The following CFAP74 variants were observed in gnomAD, a reference collection of about 807,000 sequenced individuals.
CFAP74 encodes cilia- and flagella-associated protein 74.
In CFAP74, 124 loss-of-function variants were observed where a neutral mutation model predicts 188.9. The observed-to-expected ratio is 0.66, with a 90% CI of 0.57 to 0.76. The LOEUF (loss-of-function observed/expected upper bound fraction) is 0.76. CFAP74 is among the 30% of genes least tolerant of loss of function. The probability of loss-of-function intolerance (pLI) is 0.00; values close to 1 mark genes in which losing one functional copy is unlikely to be tolerated. For synonymous variants in CFAP74, 956 were observed against 916.7 expected (o/e 1.04, Z -0.77); for missense variants, 2,198 against 2,165.2 (o/e 1.02, Z -0.30).
At chr1:1,934,966 C>CAT (rs1264556050) in intron 25 of CFAP74, among the ~76,000 whole-genome samples, 1 of 75,790 alleles carries the variant, frequency 1.3e-5, no homozygotes, top group African/African-American at 5.1e-5. Flanking sequence ...TGTAGGTACA[C>CAT]GTGTGTACGT....
intron 1 of CFAP74, among the ~76,000 whole-genome samples, chr1:1,991,246 C>G (rs1169126327): frequency 6.6e-6 from 1 of 151,974 alleles, no homozygotes; most frequent in Admixed American, 6.6e-5. Flanking sequence ...GAGGCCGAGG[C>G]AGGTGGATCA....
chr1:1,934,872 T>C (rs1430414141), intron 25 of CFAP74, among the ~76,000 whole-genome samples: 2 of 150,304 alleles, frequency 1.3e-5, no homozygotes, highest in Non-Finnish European at 3.0e-5. Context: ...CACACGTGTG[T>C]GCGTGGGTGT....
At position 1,970,670 on chromosome 1, in the gene CFAP74, C is replaced by T; in HGVS notation, c.1035G>A (p.Glu345=). The change falls in exon 10 of 39, where the codon GAG becomes GAA. Residue 345 remains glutamate, a synonymous_variant. Coordinates refer to ENST00000682832, the MANE Select transcript of CFAP74 (RefSeq NM_001304360.2). The part of the protein sequence containing the change: ...LVHQRRRQEL[E]AQKRAFEEEQ... The stretch of plus-strand genomic sequence containing the variant: ...GCCACCACCCTCACCTCTTCTGGGC[C>T]TCCAGCTCCTGGCGCCGGCGCTGGT... The T allele has an allele frequency of 2.5e-6, 4 of 1,608,968 alleles. No homozygotes were observed. The highest frequency in any genetic ancestry group is 3.4e-6 in the Non-Finnish European group (4 of 1,177,886).
chr1:1,925,075 G>A (rs2092920), intron 33 of CFAP74, among the ~76,000 whole-genome samples: 23,503 of 142,764 alleles, frequency 0.16, 3,590 homozygotes, highest in African/African-American at 0.41. Context: ...CACTGGTGCG[G>A]AGGCATGAGG....
chr1:2,001,812 G>C lies in CFAP74; in HGVS notation c.-20+1889C>G, dbSNP rs150892937. 2.1e-3 allele frequency among the ~76,000 whole-genome samples: 318 copies of C among 152,296 alleles called. 5 individuals are homozygous for C. Among genetic ancestry groups the C allele is most frequent in the East Asian group, 0.017 (90 of 5,186 alleles). ...GCGACTTTCCTGTCCGAGACGTGCA[G>C]TGGGAATCTAATCACGAGGACACAG... On this transcript the variant is annotated intron_variant, in intron 1 of 38. Transcript: ENST00000682832.
intron 14 of CFAP74, among the ~76,000 whole-genome samples, chr1:1,963,156 A>G (rs979788087): frequency 1.3e-5 from 2 of 152,228 alleles, no homozygotes; most frequent in Non-Finnish European, 2.9e-5. Context: ...ATAACAATAC[A>G]AAAGGAAACT....
intron 8 of CFAP74, among the ~76,000 whole-genome samples, chr1:1,972,434 C>T (rs1006642687): frequency 4.2e-4 from 64 of 152,362 alleles, no homozygotes; most frequent in African/African-American, 1.3e-3. Flanking sequence ...GGCCAGGCCA[C>T]GAGGACATGG....
chr1:1,993,198 CAAA>C (rs58970740), intron 1 of CFAP74, among the ~76,000 whole-genome samples: 97 of 90,442 alleles, frequency 1.1e-3, no homozygotes, highest in Middle Eastern at 5.9e-3. Flanking sequence ...AAGACTGTCT[CAAA>C]AAAAAAAAAA....
At chr1:1,982,039 C>CAG in intron 6 of CFAP74, among the ~76,000 whole-genome samples, 2 of 141,544 alleles carry the variant, frequency 1.4e-5, no homozygotes, top group Admixed American at 7.1e-5. Flanking sequence ...CAGCCGTGGT[C>CAG]ACATGCGGGG....
chr1:1,990,822 A>C (rs1468300785), intron 2 of CFAP74, 68 bp downstream of exon 2: 1 of 1,221,114 alleles, frequency 8.2e-7, no homozygotes, highest in Non-Finnish European at 1.2e-6. Flanking sequence ...TTAAAGGGCT[A>C]CTATGAAGCA....
In CFAP74 at chr1:1,922,642, G is replaced by A. The variant is rs368375297; in HGVS notation, c.4765C>T (p.Arg1589Cys). 7.1e-5 allele frequency: 114 copies of A among 1,603,544 alleles called. No homozygotes were observed. The African/African-American group carries it at 9.7e-4, about 14-fold the overall frequency. The change falls in exon 38 of 39, where the codon CGC becomes TGC. Residue 1589 changes from arginine (R) to cysteine (C), a missense_variant. Arg to Cys is a radical substitution (Grantham distance 180, BLOSUM62 -3). Transcript: ENST00000682832. The part of the protein sequence containing the change: ...SIEPSRGSVE[R>C]GQTKTISISW... ...ATGCTGATGGTCTTCGTCTGGCCGC[G>A]CTCCACGGAGCCCCTGGAGGGCTCA...
chr1:1,972,016 C>T lies in CFAP74; in HGVS notation c.852G>A (p.Ala284=), dbSNP rs376431848. 5.4e-5 allele frequency: 87 copies of T among 1,612,468 alleles called. No homozygotes were observed. The highest frequency in any genetic ancestry group is 4.2e-4 in the Admixed American group (25 of 60,010). ...AGATGCTGCCCTTCAGCGCCACCAC[C>T]GCATCCATGCGTCGCCTCATGTACT... ...CHEYMRRRMD[A]VVALKGSISA... is the part of the protein sequence containing the mutation. Residue 284 remains alanine (A), a synonymous_variant, in exon 9 of 39, where the codon GCG becomes GCA. Coordinates refer to ENST00000682832, the MANE Select transcript of CFAP74 (RefSeq NM_001304360.2).
chr1:1,947,388 C>T (rs1304419359), intron 18 of CFAP74, among the ~76,000 whole-genome samples: 2 of 152,256 alleles, frequency 1.3e-5, no homozygotes, highest in Non-Finnish European at 2.9e-5. Flanking sequence ...GGGGATGTTT[C>T]TTCTCTTACC....
intron 20 of CFAP74, 43 bp from the exon 21 acceptor site, chr1:1,944,495 C>A: frequency 6.5e-7 from 1 of 1,526,870 alleles, no homozygotes; most frequent in Non-Finnish European, 8.8e-7. Context: ...GTTCCTTGGG[C>A]ACAGCAGGCA....
Position 1,963,787 on chromosome 1 carries a change from C to G in CFAP74, c.1656G>C (p.Val552=). 6.2e-7 allele frequency: 1 copy of G among 1,614,040 alleles called. No homozygotes were observed. ...TTYTINYCKL[V]GVEEHLRDFI... Reference sequence around the variant, plus strand: ...AGTCCCGGAGGTGCTCCTCCACGCCCACCAGCTTGCAGTAGTTGATCGTGT... The same window carrying G: ...AGTCCCGGAGGTGCTCCTCCACGCCGACCAGCTTGCAGTAGTTGATCGTGT... The change falls in exon 14 of 39, where the codon GTG becomes GTC. Residue 552 remains valine (V), a synonymous_variant. Transcript: ENST00000682832.
intron 6 of CFAP74, among the ~76,000 whole-genome samples, chr1:1,981,393 C>G (rs1023754443): frequency 1.3e-5 from 2 of 152,158 alleles, no homozygotes; most frequent in Non-Finnish European, 2.9e-5. Flanking sequence ...GGGGCTGGCA[C>G]AGCCAGCCGC....
chr1:1,985,563 C>A, intron 5 of CFAP74, 73 bp from the exon 6 acceptor site: 1 of 1,181,550 alleles, frequency 8.5e-7, no homozygotes, highest in Non-Finnish European at 1.3e-6. Flanking sequence ...GTTCACCTGG[C>A]ACTCCCTGGC....
chr1:1,927,592 C>G lies in CFAP74; in HGVS notation c.3527+15G>C. The G allele has an allele frequency of 6.5e-7, 1 of 1,546,340 alleles. No individual in the cohort carries two copies. The highest frequency in any genetic ancestry group is 8.7e-7 in the Non-Finnish European group (1 of 1,145,044). ...CCTGGAGGGAAGCAGGTGGGGCAGC[C>G]CCTCCTGGACCCACCTGGGCCTCAG... On this transcript the variant is annotated intron_variant, in intron 28 of 38. Coordinates refer to ENST00000682832, the MANE Select transcript of CFAP74 (RefSeq NM_001304360.2).
chr1:1,925,208 G>A (rs533891254), intron 33 of CFAP74, among the ~76,000 whole-genome samples: 9 of 147,810 alleles, frequency 6.1e-5, no homozygotes, highest in East Asian at 4.0e-4. Flanking sequence ...ATGGGGCAGC[G>A]TGAAGGCATG....
Sources: allele counts gnomAD v4.1 joint callset (sites outside exome capture counted in the v4.1 genomes callset), GRCh38; gene constraint gnomAD v4.1.1; transcripts MANE v1.5; gene names NCBI Gene and HGNC (gene_info 2026-07-23, HGNC 2026-07-21).